Variants in CNTNAP2 observed in about 807,000 individuals in gnomAD.
The protein encoded by CNTNAP2 is contactin-associated protein-like 2.
Under a neutral mutation model 155.2 loss-of-function variants are expected in CNTNAP2, and 98 were observed. That is an observed-to-expected ratio of 0.63 (90% CI 0.54 to 0.75). The LOEUF (loss-of-function observed/expected upper bound fraction) is 0.75, where lower values mean the gene tolerates loss of function less well. Ranked by LOEUF, CNTNAP2 falls within the 30% of genes least tolerant of loss-of-function variation. The pLI is 0.00. For missense variants in CNTNAP2, 1,727 were observed against 1,688.1 expected (o/e 1.02, Z -0.40); for synonymous variants, 651 against 631.2 (o/e 1.03, Z -0.47).
chr7:146,749,602 T>C (rs1213451817), intron 1 of CNTNAP2, among the ~76,000 whole-genome samples: 1 of 152,188 alleles, frequency 6.6e-6, no homozygotes, highest in African/African-American at 2.4e-5. Context: ...TGTCACTATG[T>C]TTTACAAATT....
At chr7:147,728,673 A>G (rs916945568) in intron 13 of CNTNAP2, among the ~76,000 whole-genome samples, 5 of 152,048 alleles carry the variant, frequency 3.3e-5, no homozygotes, top group Non-Finnish European at 7.4e-5. Context: ...TGCGATAATA[A>G]TATCTAATCA....
At chr7:146,494,897 G>T (rs1797191445) in intron 1 of CNTNAP2, among the ~76,000 whole-genome samples, 1 of 152,198 alleles carries the variant, frequency 6.6e-6, no homozygotes, top group African/African-American at 2.4e-5. Context: ...TTAGGAATAT[G>T]TTCCAAATCT....
intron 15 of CNTNAP2, among the ~76,000 whole-genome samples, chr7:147,981,395 G>A (rs546366811): frequency 3.9e-5 from 6 of 152,318 alleles, no homozygotes; most frequent in Admixed American, 3.9e-4. Flanking sequence ...TTAAAAAGTG[G>A]CATAGTGCAT....
chr7:147,675,816 A>G (rs1176755515), intron 13 of CNTNAP2, among the ~76,000 whole-genome samples: 3 of 152,054 alleles, frequency 2.0e-5, no homozygotes, highest in Admixed American at 1.3e-4. Context: ...TAGACTTTGG[A>G]GTTAGGCAAA....
intron 13 of CNTNAP2, among the ~76,000 whole-genome samples, chr7:147,666,705 C>G (rs759062073): frequency 6.6e-6 from 1 of 152,102 alleles, no homozygotes; most frequent in African/African-American, 2.4e-5. Flanking sequence ...TTATTCATCA[C>G]GGTCCTTAAT....
intron 21 of CNTNAP2, among the ~76,000 whole-genome samples, chr7:148,268,031 C>A (rs563097608): frequency 6.6e-6 from 1 of 152,242 alleles, no homozygotes; most frequent in African/African-American, 2.4e-5. Flanking sequence ...CCTCTCTTCA[C>A]CAGAGGAGAT....
chr7:147,494,467 G>GCAAAA (rs780817593), intron 11 of CNTNAP2, among the ~76,000 whole-genome samples: 1 of 28,338 alleles, frequency 3.5e-5, no homozygotes, highest in Non-Finnish European at 6.4e-5. Context: ...TTGAGTCTTG[G>GCAAAA]CAAAAAAAAA....
intron 1 of CNTNAP2, among the ~76,000 whole-genome samples, chr7:146,721,921 C>A: frequency 8.7e-6 from 1 of 114,334 alleles, no homozygotes; most frequent in African/African-American, 5.2e-5. Context: ...TGGAACCTGG[C>A]TCTGTAGCCC....
At chr7:146,969,414 T>A (rs2129232837) in intron 3 of CNTNAP2, among the ~76,000 whole-genome samples, 1 of 152,250 alleles carries the variant, frequency 6.6e-6, no homozygotes, top group Non-Finnish European at 1.5e-5. Flanking sequence ...AGTGGGGTGT[T>A]AAAGTCTCCC....
intron 15 of CNTNAP2, among the ~76,000 whole-genome samples, chr7:148,026,028 C>T (rs1461510907): frequency 2.0e-5 from 3 of 152,156 alleles, no homozygotes; most frequent in African/African-American, 4.8e-5. Context: ...GACTTTTTGA[C>T]CTGAAAGGAA....
intron 1 of CNTNAP2, among the ~76,000 whole-genome samples, chr7:146,606,361 G>C (rs953062942): frequency 1.3e-5 from 2 of 152,102 alleles, no homozygotes; most frequent in South Asian, 4.1e-4. Context: ...TATTTTAGTA[G>C]TCGTAGAATT....
chr7:146,687,767 C>T (rs1051173726), intron 1 of CNTNAP2, among the ~76,000 whole-genome samples: 6 of 152,074 alleles, frequency 3.9e-5, no homozygotes, highest in Non-Finnish European at 5.9e-5. Context: ...CCAGGAGGGG[C>T]GAAGAGAGAG....
At chr7:148,109,535 C>T (rs1804298918) in intron 15 of CNTNAP2, among the ~76,000 whole-genome samples, 1 of 152,086 alleles carries the variant, frequency 6.6e-6, no homozygotes, top group African/African-American at 2.4e-5. Flanking sequence ...CAGGCATGCA[C>T]CATCATGCCT....
At chr7:147,988,674 C>A (rs563012159) in intron 15 of CNTNAP2, among the ~76,000 whole-genome samples, 70 of 152,264 alleles carry the variant, frequency 4.6e-4, no homozygotes, top group Middle Eastern at 6.8e-3. Flanking sequence ...GGGTGCCTCT[C>A]CCTTCCTGAA....
At chr7:147,588,915 C>T (rs1013436899) in intron 12 of CNTNAP2, among the ~76,000 whole-genome samples, 4 of 152,134 alleles carry the variant, frequency 2.6e-5, no homozygotes, top group African/African-American at 9.7e-5. Context: ...AAGAATGCAG[C>T]AACTAGCAAT....
chr7:147,263,533 A>C (rs190333885), intron 8 of CNTNAP2, among the ~76,000 whole-genome samples: 62 of 152,328 alleles, frequency 4.1e-4, no homozygotes, highest in African/African-American at 1.5e-3. Context: ...CAACACGAAC[A>C]TCTCAGTATT....
intron 21 of CNTNAP2, among the ~76,000 whole-genome samples, chr7:148,311,907 C>G (rs1252640812): frequency 2.6e-5 from 4 of 152,086 alleles, no homozygotes; most frequent in Admixed American, 2.6e-4. Context: ...GGTGTGGTAT[C>G]TGGAATACTG....
intron 15 of CNTNAP2, among the ~76,000 whole-genome samples, chr7:148,049,364 T>C (rs1481718456): frequency 1.3e-5 from 2 of 152,302 alleles, no homozygotes; most frequent in South Asian, 4.1e-4. Flanking sequence ...TTGACCTAAT[T>C]AACATTATAA....
intron 18 of CNTNAP2, among the ~76,000 whole-genome samples, chr7:148,205,393 A>G (rs1184607772): frequency 6.6e-6 from 1 of 152,256 alleles, no homozygotes; most frequent in East Asian, 1.9e-4. Flanking sequence ...TTAGCAGCAC[A>G]GAAGCAAACT....
Sources: allele counts gnomAD v4.1 joint callset (sites outside exome capture counted in the v4.1 genomes callset), GRCh38; gene constraint gnomAD v4.1.1; transcripts MANE v1.5; gene names NCBI Gene and HGNC (gene_info 2026-07-23, HGNC 2026-07-21).